The following SGSM1 variants were observed in gnomAD, a reference collection of about 807,000 sequenced individuals.
The protein encoded by SGSM1 is small G protein signaling modulator 1, also known as RUN and TBC1 domain containing 2.
A neutral mutation model predicts 133.8 loss-of-function variants in SGSM1; 73 were observed. The ratio of observed to expected loss-of-function variants is 0.55; its 90% CI spans 0.45 to 0.66. The LOEUF is 0.66. Ranked by LOEUF, SGSM1 falls within the 30% of genes least tolerant of loss-of-function variation. The pLI, the probability that SGSM1 is intolerant of heterozygous loss-of-function variation, is 0.00. For synonymous variants in SGSM1, 563 were observed against 573.0 expected, an observed-to-expected ratio of 0.98 and a Z score of 0.25; for missense variants, 1,213 against 1,448.1, an observed-to-expected ratio of 0.84 and a Z score of 2.64.
At position 24,917,176 on chromosome 22, in the gene SGSM1, A is replaced by C. The variant is rs1044534108; in HGVS notation, c.2929-482A>C. On this transcript the variant is annotated intron_variant, in intron 22 of 24. Coordinates refer to ENST00000400358, the MANE Select transcript of SGSM1 (RefSeq NM_001098497.3). ...GCAAAGTGCTGAGCCACCACACCTG[A>C]CCAACAGATGTTTTCATTCTTCTTG... Among the ~76,000 whole-genome samples the C allele has an allele frequency of 7.9e-5, 12 of 151,632 alleles. No homozygotes were observed. In the East Asian group the frequency reaches 2.3e-3, roughly 29 times the overall value.
At chr22:24,808,163 G>C (rs1927526883) in intron 2 of SGSM1, among the ~76,000 whole-genome samples, 1 of 145,946 alleles carries the variant, frequency 6.9e-6, no homozygotes, top group South Asian at 2.2e-4. Flanking sequence ...GCCCAGGATA[G>C]AGTACAGTGG....
At chr22:24,855,849 G>A (rs56394892) in intron 8 of SGSM1, 169 bp downstream of exon 8, 13,753 of 980,686 alleles carry the variant, frequency 0.014, 149 homozygotes, top group Non-Finnish European at 0.017. Context: ...ATATTTACAC[G>A]CACCCATCCT....
At chr22:24,818,241 A>AAAAAAAT (rs1928234887) in intron 2 of SGSM1, among the ~76,000 whole-genome samples, 1 of 150,838 alleles carries the variant, frequency 6.6e-6, no homozygotes, top group African/African-American at 2.4e-5. Context: ...CAAAAAAAAA[A>AAAAAAAT]AAAATAAAAT....
At chr22:24,920,731 TC>T (rs1933976408) in intron 24 of SGSM1, among the ~76,000 whole-genome samples, 1 of 152,250 alleles carries the variant, frequency 6.6e-6, no homozygotes, top group African/African-American at 2.4e-5. Context: ...TTATTAGGGT[TC>T]TTAATTTAAG....
rs577213167 is a variant in SGSM1 at position 24,870,679 on chromosome 22, C to G, written c.1291+1824C>G. Among the ~76,000 whole-genome samples the G allele has an allele frequency of 5.9e-5, 9 of 152,288 alleles. No homozygotes were observed. The South Asian group carries it at 1.9e-3, about 32-fold the overall frequency. On this transcript the variant is annotated intron_variant, in intron 12 of 24. Transcript: ENST00000400358. ...CTCTTTGCCTGAGGGTTTTCTCTGG[C>G]CACAAGAGTCCCTTCTGGCCAGGGA...
At chr22:24,905,491 A>G (rs551747699) in intron 21 of SGSM1, among the ~76,000 whole-genome samples, 5 of 152,354 alleles carry the variant, frequency 3.3e-5, no homozygotes, top group Admixed American at 2.6e-4. Context: ...AAACATTTAA[A>G]GAAGAATTAA....
rs1292315379 is a variant in SGSM1, at chr22:24,927,453, G to C, written c.*3179G>C. 1 of 152,162 alleles carries C rather than the reference G, an allele frequency of 6.6e-6. No homozygotes were observed. The highest frequency in any genetic ancestry group is 2.4e-5 in the African/African-American group (1 of 41,406). 9.4% of individuals were successfully genotyped at this position (152,162 alleles called of 1,614,324 possible). A position where few individuals can be genotyped will look rare whatever the true frequency, so the allele number is the denominator to read the frequency against. On this transcript the variant is annotated 3_prime_UTR_variant, in exon 25 of 25. Coordinates refer to ENST00000400358, the MANE Select transcript of SGSM1 (RefSeq NM_001098497.3). ...GGTAGGGAAATAGACTGTACTTCCT[G>C]ATGAGAATCTTTGGAAAGTGACACT...
In SGSM1 at chr22:24,901,696, C is replaced by T. The variant is rs1933165445; in HGVS notation, c.2611-137C>T. ...CAAACAAACAAAATCAAACACCTGG[C>T]TGGTCCAGGTGGGAGATGTATTTTC... On this transcript the variant is annotated intron_variant, in intron 19 of 24. Transcript: ENST00000400358. The T allele has an allele frequency of 3.3e-6, 3 of 898,008 alleles. No homozygotes were observed. In the South Asian group the frequency reaches 6.9e-5, roughly 21 times the overall value. 55.6% of individuals were successfully genotyped at this position (898,008 alleles called of 1,614,324 possible).
intron 24 of SGSM1, 122 bp from the exon 25 acceptor site, chr22:24,924,064 C>T (rs1291415101): frequency 2.6e-5 from 21 of 816,902 alleles, no homozygotes; most frequent in Non-Finnish European, 4.1e-5. Context: ...TTCTCCAGGG[C>T]CTCTGCTTCC....
chr22:24,807,885 C>T (rs1270100406), intron 2 of SGSM1, among the ~76,000 whole-genome samples: 2 of 100,528 alleles, frequency 2.0e-5, no homozygotes, highest in East Asian at 6.5e-4. Flanking sequence ...GAGTATGTGC[C>T]TGCGTGTGTG....
chr22:24,898,952 G>A (rs530623973), intron 19 of SGSM1, among the ~76,000 whole-genome samples: 45 of 147,594 alleles, frequency 3.0e-4, no homozygotes, highest in Non-Finnish European at 5.9e-4. Flanking sequence ...GCGTGAACCC[G>A]GGAGGCGGAG....
intron 21 of SGSM1, among the ~76,000 whole-genome samples, chr22:24,911,348 A>G (rs1369720904): frequency 2.1e-5 from 3 of 144,566 alleles, no homozygotes; most frequent in African/African-American, 5.1e-5. Flanking sequence ...CTGGAGTGCA[A>G]TGGTGCCATC....
chr22:24,880,283 CG>C (rs1932253875), intron 14 of SGSM1, among the ~76,000 whole-genome samples: 1 of 151,982 alleles, frequency 6.6e-6, no homozygotes, highest in East Asian at 1.9e-4. Flanking sequence ...TACAGGCACC[CG>C]CCACCACACC....
At chr22:24,918,924 A>T (rs555683399) in intron 23 of SGSM1, among the ~76,000 whole-genome samples, 10 of 151,426 alleles carry the variant, frequency 6.6e-5, no homozygotes, top group African/African-American at 2.4e-4. Context: ...TATTTTTAGT[A>T]GAGGCAGGTT....
intron 4 of SGSM1, among the ~76,000 whole-genome samples, chr22:24,848,288 G>A (rs1930268850): frequency 6.6e-6 from 1 of 151,904 alleles, no homozygotes; most frequent in Admixed American, 6.6e-5. Flanking sequence ...TGCCTGCTAG[G>A]ACCCACGGCC....
intron 2 of SGSM1, among the ~76,000 whole-genome samples, chr22:24,834,758 C>CTTT (rs139641): frequency 6.8e-6 from 1 of 146,088 alleles, no homozygotes. Context: ...TCTAAATTTC[C>CTTT]TTTTTTTTTT....
At chr22:24,844,360 T>G (rs1929969628) in intron 2 of SGSM1, 1 of 152,572 alleles carries the variant, frequency 6.6e-6, no homozygotes, top group South Asian at 2.1e-4. Context: ...ACCCCGTCTG[T>G]ACTAAAAATA....
intron 24 of SGSM1, 108 bp from the exon 25 acceptor site, chr22:24,924,078 G>T (rs1934106271): frequency 3.2e-6 from 3 of 952,136 alleles, no homozygotes; most frequent in Non-Finnish European, 3.3e-6. Flanking sequence ...TGCTTCCTGA[G>T]TCAATCTGTG....
At position 24,859,835 on chromosome 22, in the gene SGSM1, G is replaced by A; in HGVS notation, c.921G>A (p.Glu307=). The A allele has an allele frequency of 6.2e-7, 1 of 1,613,762 alleles. No homozygotes were observed. Among genetic ancestry groups the A allele is most frequent in the Non-Finnish European group, 8.5e-7 (1 of 1,179,804 alleles). The change falls in exon 9 of 25, where the codon GAG becomes GAA. Residue 307 remains glutamate (E), a synonymous_variant. Transcript: ENST00000400358. Reference sequence around the variant, plus strand: ...GGTCTGTGGGGGACCTGGACTATGAGAAGAGGTAGGGCACTGGGTCTGATA... The same window carrying A: ...GGTCTGTGGGGGACCTGGACTATGAAAAGAGGTAGGGCACTGGGTCTGATA... ...MNGSVGDLDY[E]KSVYWDYAMT... is the part of the protein sequence containing the mutation.
Sources: gnomAD v4.1 joint callset for allele counts (sites outside exome capture counted in the v4.1 genomes callset) on GRCh38, gnomAD v4.1.1 for gene constraint, MANE v1.5 for transcripts, NCBI Gene and HGNC (gene_info 2026-07-23, HGNC 2026-07-21) for gene names.